COX7B2: variants seen among roughly 807,000 people sequenced by gnomAD.
The protein encoded by COX7B2 is cytochrome c oxidase subunit 7B2, mitochondrial.
For missense variants in COX7B2, 109 were observed against 95.9 expected, an observed-to-expected ratio of 1.14 and a Z score of -0.57; for synonymous variants, 37 against 32.1, an observed-to-expected ratio of 1.15 and a Z score of -0.51.
chr4:46,751,686 A>G (rs1715389497), intron 2 of COX7B2, among the ~76,000 whole-genome samples: 1 of 151,934 alleles, frequency 6.6e-6, no homozygotes. Flanking sequence ...AAGTGATTTT[A>G]TATTAGGTGG....
At chr4:46,903,780 C>T (rs912699216) in intron 1 of COX7B2, 4 of 152,268 alleles carry the variant, frequency 2.6e-5, no homozygotes, top group East Asian at 1.9e-4. Context: ...AGCCTAGGAG[C>T]GATTAGCTAT....
intron 1 of COX7B2, among the ~76,000 whole-genome samples, chr4:46,895,350 G>C (rs2109881467): frequency 6.6e-6 from 1 of 152,142 alleles, no homozygotes. Context: ...AACATGTTTG[G>C]GGCTGGAGGC....
intron 2 of COX7B2, among the ~76,000 whole-genome samples, chr4:46,745,619 T>C (rs1714977369): frequency 6.6e-6 from 1 of 152,228 alleles, no homozygotes; most frequent in African/African-American, 2.4e-5. Flanking sequence ...TACACTGATT[T>C]TTTTTTCCTT....
chr4:46,785,142 C>T (rs1717679321), intron 2 of COX7B2, among the ~76,000 whole-genome samples: 2 of 152,120 alleles, frequency 1.3e-5, no homozygotes, highest in Non-Finnish European at 2.9e-5. Context: ...CAGATGTTAG[C>T]ACTTTATGTC....
At chr4:46,770,650 TAGAG>T (rs1304238657) in intron 2 of COX7B2, among the ~76,000 whole-genome samples, 1 of 140,536 alleles carries the variant, frequency 7.1e-6, no homozygotes. Context: ...TGGAACAGAA[TAGAG>T]AGACCAGAAA....
chr4:46,766,568 G>A (rs759106533), intron 2 of COX7B2, among the ~76,000 whole-genome samples: 6 of 152,106 alleles, frequency 3.9e-5, no homozygotes, highest in Non-Finnish European at 7.4e-5. Context: ...CAGACGTGGT[G>A]GCACATGCCT....
At chr4:46,869,123 A>C (rs1401998884) in intron 1 of COX7B2, among the ~76,000 whole-genome samples, 1 of 152,126 alleles carries the variant, frequency 6.6e-6, no homozygotes, top group African/African-American at 2.4e-5. Flanking sequence ...ACTATTATGT[A>C]ATGCCTTTCT....
At chr4:46,795,221 AT>A (rs1718261940) in intron 2 of COX7B2, among the ~76,000 whole-genome samples, 1 of 117,356 alleles carries the variant, frequency 8.5e-6, no homozygotes, top group Non-Finnish European at 1.7e-5. Flanking sequence ...CCATTTGTCA[AT>A]TTTGTCTTTT....
intron 1 of COX7B2, among the ~76,000 whole-genome samples, chr4:46,860,726 T>C (rs374081709): frequency 2.6e-5 from 4 of 152,326 alleles, no homozygotes; most frequent in Admixed American, 6.5e-5. Flanking sequence ...GGGTCCTTTT[T>C]ATTTTCCTCC....
intron 2 of COX7B2, among the ~76,000 whole-genome samples, chr4:46,842,804 T>A: frequency 6.6e-6 from 1 of 152,104 alleles, no homozygotes; most frequent in African/African-American, 2.4e-5. Context: ...TCTATCATTG[T>A]TGGACATTTA....
intron 2 of COX7B2, among the ~76,000 whole-genome samples, chr4:46,763,909 CT>C (rs1419236725): frequency 1.3e-5 from 2 of 152,232 alleles, no homozygotes; most frequent in African/African-American, 4.8e-5. Flanking sequence ...AATACTTGAA[CT>C]TGTTCATGTA....
At chr4:46,868,850 G>GT (rs1027144257) in intron 1 of COX7B2, among the ~76,000 whole-genome samples, 6 of 152,120 alleles carry the variant, frequency 3.9e-5, no homozygotes, top group Admixed American at 3.9e-4. Context: ...TATTCTGTTG[G>GT]TTTTTGGTGG....
At chr4:46,785,495 C>A (rs1160460362) in intron 2 of COX7B2, among the ~76,000 whole-genome samples, 1 of 151,988 alleles carries the variant, frequency 6.6e-6, no homozygotes, top group East Asian at 1.9e-4. Flanking sequence ...GCCTCAGCCT[C>A]CCGAGTAGCT....
chr4:46,837,274 TACAC>T (rs33927124), intron 2 of COX7B2, among the ~76,000 whole-genome samples: 12,923 of 133,206 alleles, frequency 0.097, 673 homozygotes, highest in African/African-American at 0.16. Flanking sequence ...CACAAAGACA[TACAC>T]ACACACACAC....
intron 2 of COX7B2, among the ~76,000 whole-genome samples, chr4:46,789,891 G>C (rs1717946750): frequency 6.6e-6 from 1 of 151,888 alleles, no homozygotes; most frequent in African/African-American, 2.4e-5. Flanking sequence ...TTCCAATGTA[G>C]GTGACACTTC....
At chr4:46,895,229 A>G (rs1719680623) in intron 1 of COX7B2, among the ~76,000 whole-genome samples, 1 of 152,226 alleles carries the variant, frequency 6.6e-6, no homozygotes, top group Non-Finnish European at 1.5e-5. Flanking sequence ...AAAAACATAG[A>G]ACTAACCTGA....
At chr4:46,765,602 C>A (rs191693847) in intron 2 of COX7B2, among the ~76,000 whole-genome samples, 1 of 152,114 alleles carries the variant, frequency 6.6e-6, no homozygotes, top group African/African-American at 2.4e-5. Flanking sequence ...TCCCCCATGA[C>A]CCCAGGTTCC....
At chr4:46,842,374 A>C in intron 2 of COX7B2, among the ~76,000 whole-genome samples, 1 of 151,976 alleles carries the variant, frequency 6.6e-6, no homozygotes, top group East Asian at 1.9e-4. Context: ...TTAAATGCAT[A>C]GCACAGTGGT....
intron 1 of COX7B2, among the ~76,000 whole-genome samples, chr4:46,900,708 C>T (rs1268122802): frequency 1.3e-5 from 2 of 152,110 alleles, no homozygotes; most frequent in Non-Finnish European, 2.9e-5. Flanking sequence ...AATTAGTGCT[C>T]TTATAAAAGA....
Sources: gnomAD v4.1 joint callset for allele counts (sites outside exome capture counted in the v4.1 genomes callset) on GRCh38, gnomAD v4.1.1 for gene constraint, MANE v1.5 for transcripts, NCBI Gene and HGNC (gene_info 2026-07-23, HGNC 2026-07-21) for gene names.